The following MADD variants were observed in gnomAD, a reference collection of about 807,000 sequenced individuals.
MADD encodes MAP kinase activating death domain.
Under a neutral mutation model 176.7 loss-of-function variants are expected in MADD, and 109 were observed. The ratio of observed to expected loss-of-function variants is 0.62; its 90% confidence interval spans 0.53 to 0.72. The LOEUF (loss-of-function observed/expected upper bound fraction) is 0.72, where lower values mean the gene tolerates loss of function less well. Ranked by LOEUF, MADD falls within the 30% of genes least tolerant of loss-of-function variation. The probability of loss-of-function intolerance (pLI) is 0.00; values close to 1 mark genes in which losing one functional copy is unlikely to be tolerated. For missense variants in MADD, 1,914 were observed against 2,045.5 expected, an observed-to-expected ratio of 0.94 and a Z score of 1.24; for synonymous variants, 771 against 771.3, an observed-to-expected ratio of 1.00 and a Z score of 0.01.
intron 22 of MADD, among the ~76,000 whole-genome samples, chr11:47,300,596 C>G (rs1440156868): frequency 6.6e-6 from 1 of 152,066 alleles, no homozygotes; most frequent in Admixed American, 6.6e-5. Flanking sequence ...CTCCCAGGTT[C>G]AAGCAATTCT....
exon 3 of MADD, chr11:47,274,940 C>T: frequency 6.2e-7 from 1 of 1,614,038 alleles, no homozygotes; most frequent in Non-Finnish European, 8.5e-7. Context: ...CCTCTCAGTG[C>T]TGACTCTACC....
chr11:47,309,606 G>T (rs1357771812), exon 25 of MADD: 1 of 1,611,634 alleles, frequency 6.2e-7, no homozygotes, highest in Non-Finnish European at 8.5e-7. Flanking sequence ...ACATGCTGCT[G>T]ATGAAGGTAA....
intron 22 of MADD, among the ~76,000 whole-genome samples, chr11:47,299,534 G>A (rs1239495565): frequency 2.8e-5 from 3 of 106,282 alleles, no homozygotes; most frequent in Non-Finnish European, 5.6e-5. Context: ...TATCCTGCAA[G>A]TTTATTGAAT....
chr11:47,324,791 G>T (rs1288078009), intron 30 of MADD: 6 of 689,010 alleles, frequency 8.7e-6, no homozygotes, highest in East Asian at 8.1e-5. Context: ...GGGAGCCCGT[G>T]GGGGAGGCTG....
exon 15 of MADD, chr11:47,286,510 G>A: frequency 6.2e-7 from 1 of 1,613,874 alleles, no homozygotes; most frequent in Non-Finnish European, 8.5e-7. Context: ...CCGAGAGAAG[G>A]CCACGCCCTT....
At chr11:47,307,079 CT>C (rs3070459) in intron 22 of MADD, among the ~76,000 whole-genome samples, 134 of 143,888 alleles carry the variant, frequency 9.3e-4, no homozygotes, top group Non-Finnish European at 1.1e-3. Context: ...GATTTTTATA[CT>C]TTTTTTTTTT....
intron 10 of MADD, 87 bp downstream of exon 10, chr11:47,283,056 T>C: frequency 2.5e-6 from 3 of 1,196,750 alleles, no homozygotes; most frequent in Non-Finnish European, 3.4e-6. Flanking sequence ...CAAAGTCTCA[T>C]AGGCTTCCCA....
At chr11:47,299,128 T>C (rs1042355934) in intron 22 of MADD, among the ~76,000 whole-genome samples, 13 of 152,288 alleles carry the variant, frequency 8.5e-5, no homozygotes, top group African/African-American at 3.1e-4. Context: ...TTCCTTTTTG[T>C]CCAGGATTGT....
At chr11:47,277,385 C>T (rs934195945) in intron 5 of MADD, among the ~76,000 whole-genome samples, 2 of 152,182 alleles carry the variant, frequency 1.3e-5, no homozygotes, top group Admixed American at 1.3e-4. Flanking sequence ...CTCTGCCTTC[C>T]AGGTTCAAGT....
At chr11:47,306,800 G>A (rs2083076942) in intron 22 of MADD, among the ~76,000 whole-genome samples, 1 of 152,056 alleles carries the variant, frequency 6.6e-6, no homozygotes, top group African/African-American at 2.4e-5. Context: ...CTCTCTTTGT[G>A]AGGGGGATGT....
At chr11:47,290,239 G>A in exon 18 of MADD, 1 of 1,614,098 alleles carries the variant, frequency 6.2e-7, no homozygotes, top group Non-Finnish European at 8.5e-7. Context: ...CGCGGGTCTG[G>A]GTGGCATGGC....
exon 4 of MADD, chr11:47,276,114 T>C: frequency 8.1e-6 from 13 of 1,614,226 alleles, no homozygotes; most frequent in Non-Finnish European, 1.1e-5. Flanking sequence ...CGATTCACCC[T>C]AGTGGATTTC....
chr11:47,309,736 A>G (rs2086462532), intron 25 of MADD, 124 bp downstream of exon 28: 1 of 683,142 alleles, frequency 1.5e-6, no homozygotes. Flanking sequence ...TATCTTCTTG[A>G]TTGAAAGTCT....
intron 22 of MADD, among the ~76,000 whole-genome samples, chr11:47,296,765 T>TTG (rs60588951): frequency 1.6e-4 from 8 of 50,648 alleles, no homozygotes; most frequent in African/African-American, 7.3e-4. Flanking sequence ...TTTTTTGTTG[T>TTG]TTTTTTTTTT....
intron 22 of MADD, among the ~76,000 whole-genome samples, chr11:47,305,427 A>G (rs2081845198): frequency 6.6e-6 from 1 of 151,984 alleles, no homozygotes; most frequent in Non-Finnish European, 1.5e-5. Flanking sequence ...TGATTCTAAT[A>G]CTGGGGGATA....
exon 13 of MADD, chr11:47,285,086 A>G (rs996604594): frequency 5.6e-6 from 9 of 1,614,024 alleles, no homozygotes; most frequent in African/African-American, 5.3e-5. Context: ...CGGCGAATCT[A>G]TGACAATCCA....
At chr11:47,329,809 A>C (rs2095826365) in exon 33 of MADD, 1 of 152,828 alleles carries the variant, frequency 6.5e-6, no homozygotes, top group Admixed American at 6.5e-5. Context: ...AGGCTAGTGG[A>C]GTCCCAGGGA....
chr11:47,279,486 G>A (rs545106371), intron 7 of MADD, among the ~76,000 whole-genome samples: 4 of 147,910 alleles, frequency 2.7e-5, no homozygotes, highest in South Asian at 4.4e-4. Flanking sequence ...CTGAGTTCAC[G>A]CCATTCTTCT....
At chr11:47,290,757 A>C in exon 19 of MADD, 1 of 1,614,072 alleles carries the variant, frequency 6.2e-7, no homozygotes, top group Non-Finnish European at 8.5e-7. Flanking sequence ...GCCACAGGAA[A>C]GGGTCCTAAG....
Sources: gnomAD v4.1 joint callset for allele counts (sites outside exome capture counted in the v4.1 genomes callset) on GRCh38, gnomAD v4.1.1 for gene constraint, MANE v1.5 for transcripts, NCBI Gene and HGNC (gene_info 2026-07-23, HGNC 2026-07-21) for gene names.